KDM4B: variants seen among roughly 807,000 people sequenced by gnomAD.
The protein encoded by KDM4B is lysine demethylase 4B.
Under a neutral mutation model 125.2 loss-of-function variants are expected in KDM4B, and 32 were observed. The observed-to-expected ratio is 0.26, with a 90% CI of 0.19 to 0.34. KDM4B has a LOEUF of 0.34. Ranked by LOEUF, KDM4B falls within the 10% of genes least tolerant of loss-of-function variation. KDM4B has a pLI of 1.00. For synonymous variants in KDM4B, 721 were observed against 677.9 expected (o/e 1.06, Z -0.99); for missense variants, 1,190 against 1,577.7 (o/e 0.75, Z 4.16).
chr19:5,057,176 GT>G (rs2037437670), intron 6 of KDM4B, among the ~76,000 whole-genome samples: 1 of 128,592 alleles, frequency 7.8e-6, no homozygotes, highest in Non-Finnish European at 1.7e-5. Flanking sequence ...TCTGCACACT[GT>G]GGTGGTGGCT....
intron 1 of KDM4B, among the ~76,000 whole-genome samples, chr19:5,004,297 G>C (rs1447267619): frequency 6.6e-6 from 1 of 152,172 alleles, no homozygotes; most frequent in African/African-American, 2.4e-5. Flanking sequence ...CCATTCGTGT[G>C]CTCGGCTCCC....
intron 6 of KDM4B, among the ~76,000 whole-genome samples, chr19:5,060,750 C>T (rs994926548): frequency 2.6e-5 from 4 of 152,164 alleles, no homozygotes; most frequent in South Asian, 2.1e-4. Flanking sequence ...GCACTGTGTC[C>T]GAACCTGACA....
chr19:5,084,586 A>AT (rs1568285814), intron 9 of KDM4B, among the ~76,000 whole-genome samples: 1 of 142,180 alleles, frequency 7.0e-6, no homozygotes, highest in Non-Finnish European at 1.5e-5. Flanking sequence ...ATTATATATA[A>AT]ATATAAATTA....
chr19:5,084,513 A>AT (rs1555709595), intron 9 of KDM4B, among the ~76,000 whole-genome samples: 76 of 66,058 alleles, frequency 1.2e-3, no homozygotes, highest in African/African-American at 4.1e-3. Flanking sequence ...ATTATATATA[A>AT]ATATAAATTA....
At chr19:5,119,555 G>T in intron 10 of KDM4B, 98 bp from the exon 11 acceptor site, 2 of 1,199,192 alleles carry the variant, frequency 1.7e-6, no homozygotes, top group Non-Finnish European at 2.4e-6. Flanking sequence ...CGCTCTTCTG[G>T]GGGTGGGCGG....
intron 9 of KDM4B, among the ~76,000 whole-genome samples, chr19:5,100,390 G>GTTGTCTTTT (rs2038907865): frequency 6.6e-6 from 1 of 152,130 alleles, no homozygotes; most frequent in South Asian, 2.1e-4. Context: ...CGTTTTCTAC[G>GTTGTCTTTT]TTGTCTTTTT....
chr19:5,083,543 C>A (rs113755377), intron 9 of KDM4B, among the ~76,000 whole-genome samples: 2 of 152,188 alleles, frequency 1.3e-5, no homozygotes, highest in Admixed American at 1.3e-4. Context: ...AAGTCCCCTG[C>A]GTGCTTTTCC....
chr19:5,077,263 C>T (rs981793341), intron 7 of KDM4B, 104 bp from the exon 8 acceptor site: 17 of 934,462 alleles, frequency 1.8e-5, no homozygotes, highest in Admixed American at 7.8e-5. Flanking sequence ...CCCACACGCC[C>T]GCTCTCCATG....
chr19:4,972,589 C>T (rs2034298819), intron 1 of KDM4B, among the ~76,000 whole-genome samples: 1 of 152,204 alleles, frequency 6.6e-6, no homozygotes, highest in African/African-American at 2.4e-5. Context: ...ACCCTGTCCC[C>T]TAAGCGGTAG....
chr19:5,012,546 C>T (rs1172895030), intron 1 of KDM4B, among the ~76,000 whole-genome samples: 1 of 152,320 alleles, frequency 6.6e-6, no homozygotes, highest in South Asian at 2.1e-4. Flanking sequence ...CCTCAGGCTC[C>T]TCTGGGCTGG....
chr19:5,051,241 G>C (rs1599506488), intron 6 of KDM4B, among the ~76,000 whole-genome samples: 1 of 152,256 alleles, frequency 6.6e-6, no homozygotes, highest in Non-Finnish European at 1.5e-5. Flanking sequence ...CATTCGGATT[G>C]TGCTGTGCAC....
rs572060769 is a variant in KDM4B, at chr19:5,003,097, C to G, written c.-108-13160C>G. On this transcript the variant is annotated intron_variant, in intron 1 of 22. Transcript: ENST00000159111. ...TGATTCCTCCTTTACACTCACGTTC[C>G]GATTCCACCGCCGTTCATTCTCGCA... Among the ~76,000 whole-genome samples the G allele has an allele frequency of 2.0e-5, 3 of 152,312 alleles. No homozygotes were observed. In the South Asian group the frequency reaches 6.2e-4, roughly 32 times the overall value.
In KDM4B at chr19:5,082,625, C is replaced by T. The variant is rs1415981225; in HGVS notation, c.918+121C>T. 9.2e-7 allele frequency: 1 copy of T among 1,091,656 alleles called. No homozygotes were observed. The highest frequency in any genetic ancestry group is 2.7e-5 in the East Asian group (1 of 37,534). 67.6% of individuals were successfully genotyped at this position (1,091,656 alleles called of 1,614,324 possible). On this transcript the variant is annotated intron_variant, in intron 9 of 22. Coordinates refer to ENST00000159111, the MANE Select transcript of KDM4B (RefSeq NM_015015.3). The surrounding 1 kb of genome is among the most constrained non-coding windows in gnomAD (Gnocchi z 5.4). ...TTTCGCTCAGCCCAGGGCCTGGGCT[C>T]TCAACCAGGGTCTGATTCTGGGCTC...
In KDM4B at chr19:5,039,993, G is replaced by A. The variant is rs369063729; in HGVS notation, c.299G>A (p.Arg100His). ...KKAMTVGEYR[R>H]LANSEKYCTP... Reference sequence around the variant, plus strand: ...GCCATGACAGTGGGCGAGTACCGCCGCCTGGCCAACAGCGAGAAGTACGCG... The same window carrying A: ...GCCATGACAGTGGGCGAGTACCGCCACCTGGCCAACAGCGAGAAGTACGCG... The change falls in exon 4 of 23, where the codon CGC becomes CAC. Residue 100 changes from arginine to histidine, a missense_variant. Physicochemically the swap from Arg to His is conservative, Grantham distance 29. Around this residue, in one of 7 missense-constraint regions of KDM4B, gnomAD observed 139 missense variants for 248.3 expected, o/e 0.56. Coordinates refer to ENST00000159111, the MANE Select transcript of KDM4B (RefSeq NM_015015.3). The A allele has an allele frequency of 5.6e-6, 9 of 1,611,254 alleles. No homozygotes were observed. Among genetic ancestry groups the A allele is most frequent in the Middle Eastern group, 1.7e-4 (1 of 6,054 alleles).
chr19:5,012,405 T>C (rs1414461135), intron 1 of KDM4B, among the ~76,000 whole-genome samples: 1 of 152,162 alleles, frequency 6.6e-6, no homozygotes, highest in Admixed American at 6.5e-5. Context: ...TCGGATTGCC[T>C]CTGCTTTCCC....
At position 5,144,406 on chromosome 19, in the gene KDM4B, C is replaced by T. The variant is rs1568325751; in HGVS notation, c.2895C>T (p.Ser965=). ...ACAGCGACAACCTGTACCCTGAGAGCATCACGGTGAGCTGTGGGGTGGGGC... is the reference window on the plus strand; with the variant it reads ...ACAGCGACAACCTGTACCCTGAGAGTATCACGGTGAGCTGTGGGGTGGGGC... ...GSYSDNLYPE[S]ITSRDCVQLG... Residue 965 remains serine, a synonymous_variant, in exon 20 of 23, where the codon AGC becomes AGT. Coordinates refer to ENST00000159111, the MANE Select transcript of KDM4B (RefSeq NM_015015.3). The T allele has an allele frequency of 2.1e-6, 2 of 930,380 alleles. No homozygotes were observed. The highest frequency in any genetic ancestry group is 2.8e-5 in the South Asian group (2 of 72,056). The allele number at this position is 930,380 out of a possible 1,614,324, so 57.6% of individuals were successfully genotyped here.
chr19:4,992,319 T>TGTGC, intron 1 of KDM4B, among the ~76,000 whole-genome samples: 1 of 152,174 alleles, frequency 6.6e-6, no homozygotes, highest in Non-Finnish European at 1.5e-5. Flanking sequence ...CTGCCTTAGT[T>TGTGC]TCCGTGTGCT....
At chr19:5,007,814 A>C (rs888098648) in intron 1 of KDM4B, among the ~76,000 whole-genome samples, 4 of 152,010 alleles carry the variant, frequency 2.6e-5, no homozygotes, top group Non-Finnish European at 5.9e-5. Flanking sequence ...CTGCCTGCCA[A>C]AGTGCTGGGA....
At chr19:4,972,757 A>G (rs1355616654) in intron 1 of KDM4B, among the ~76,000 whole-genome samples, 2 of 151,926 alleles carry the variant, frequency 1.3e-5, no homozygotes, top group Non-Finnish European at 2.9e-5. Context: ...AGTGACTCCT[A>G]TTTGCAAACT....
Sources: gnomAD v4.1 joint callset for allele counts (sites outside exome capture counted in the v4.1 genomes callset) on GRCh38, gnomAD v4.1.1 for gene constraint, gnomAD v4.1.1 regional missense constraint, Gnocchi (gnomAD v3.1) non-coding constraint, MANE v1.5 for transcripts, NCBI Gene and HGNC (gene_info 2026-07-23, HGNC 2026-07-21) for gene names.